The following BCAS3 variants were observed in gnomAD, a reference collection of about 807,000 sequenced individuals.
BCAS3 encodes BCAS3 microtubule associated cell migration factor.
Under a neutral mutation model 116.1 loss-of-function variants are expected in BCAS3, and 53 were observed. The ratio of observed to expected loss-of-function variants is 0.46; its 90% CI spans 0.37 to 0.57. BCAS3 has a LOEUF of 0.57. Ranked by LOEUF, BCAS3 falls within the 20% of genes least tolerant of loss-of-function variation. The pLI is 0.00. For synonymous variants in BCAS3, 391 were observed against 408.2 expected (o/e 0.96, Z 0.51); for missense variants, 917 against 1,165.4 (o/e 0.79, Z 3.10).
rs371649037 is a variant in BCAS3, at chr17:60,702,037, T to TAC, written c.215-7168_215-7167dup. Among the ~76,000 whole-genome samples the TAC allele has an allele frequency of 4.9e-3, 748 of 151,584 alleles. 14 individuals carry two copies. Among genetic ancestry groups the TAC allele is most frequent in the South Asian group, 0.031 (148 of 4,798 alleles). ...CTCTATGTATATATGTATGTATAGA[T>TAC]ACACACACACACACAAATCTATTAT... On this transcript the variant is annotated intron_variant, in intron 4 of 23. Coordinates refer to ENST00000407086, the MANE Select transcript of BCAS3 (RefSeq NM_017679.5).
In BCAS3 at chr17:61,037,524, C is replaced by T. The variant is rs2067130871; in HGVS notation, c.1763-365C>T. Among the ~76,000 whole-genome samples the T allele has an allele frequency of 6.6e-6, 1 of 152,162 alleles. No homozygotes were observed. Among genetic ancestry groups the T allele is most frequent in the Admixed American group, 6.5e-5 (1 of 15,288 alleles). The stretch of plus-strand genomic sequence containing the variant: ...TGGTGGCTCACGCCTTTAATCCCAG[C>T]ACTTTGAGAGGCTAAGGTGCACAGA... On this transcript the variant is annotated intron_variant, in intron 17 of 23. Transcript: ENST00000407086. The surrounding 1 kb of genome is among the most constrained non-coding windows in gnomAD (Gnocchi z 4.7).
chr17:61,332,065 C>T lies in BCAS3; in HGVS notation c.2426-36262C>T, dbSNP rs1279158061. Reference sequence around the variant, plus strand: ...GTCTGGTTTGGCATGTGGGTCTCGACCTCCCATGAGCAGGGCGAGGCTGCC... The same window carrying T: ...GTCTGGTTTGGCATGTGGGTCTCGATCTCCCATGAGCAGGGCGAGGCTGCC... On this transcript the variant is annotated intron_variant, in intron 22 of 23. Coordinates refer to ENST00000407086, the MANE Select transcript of BCAS3 (RefSeq NM_017679.5). The surrounding 1 kb of genome is among the most constrained non-coding windows in gnomAD (Gnocchi z 5.4). 1.3e-5 allele frequency among the ~76,000 whole-genome samples: 2 copies of T among 152,158 alleles called. No individual in the cohort carries two copies. The highest frequency in any genetic ancestry group is 2.9e-5 in the Non-Finnish European group (2 of 68,022).
chr17:61,045,110 A>T (rs2067924710), intron 19 of BCAS3, among the ~76,000 whole-genome samples: 1 of 152,054 alleles, frequency 6.6e-6, no homozygotes, highest in Non-Finnish European at 1.5e-5. Flanking sequence ...GAGCATTATT[A>T]TTATAAGCTT....
At chr17:60,754,347 G>A (rs1310847063) in intron 6 of BCAS3, among the ~76,000 whole-genome samples, 1 of 152,038 alleles carries the variant, frequency 6.6e-6, no homozygotes, top group Non-Finnish European at 1.5e-5. Context: ...TGAGACCACA[G>A]GCGTGTGCCA....
chr17:60,776,274 C>T (rs138543751), intron 6 of BCAS3, among the ~76,000 whole-genome samples: 2 of 152,278 alleles, frequency 1.3e-5, no homozygotes, highest in African/African-American at 2.4e-5. Flanking sequence ...ATCAGAATGA[C>T]TCCATATATA....
intron 19 of BCAS3, among the ~76,000 whole-genome samples, chr17:61,066,247 C>T (rs1445108102): frequency 6.6e-6 from 1 of 152,160 alleles, no homozygotes; most frequent in Non-Finnish European, 1.5e-5. Flanking sequence ...GAATTTATTA[C>T]TGGAAATTCA....
chr17:61,361,494 A>C lies in BCAS3; in HGVS notation c.2426-6833A>C, dbSNP rs767455737. On this transcript the variant is annotated intron_variant, in intron 22 of 23. Coordinates refer to ENST00000407086, the MANE Select transcript of BCAS3 (RefSeq NM_017679.5). The surrounding 1 kb of genome is among the most constrained non-coding windows in gnomAD (Gnocchi z 6.5). ...TAATATCTGATCTATATCTATATCT[A>C]TCTCACTGTGGGAGAACGCTGGCTC... is the stretch of plus-strand genomic sequence containing the variant. Among the ~76,000 whole-genome samples, 2 of 152,226 alleles carry C rather than the reference A, an allele frequency of 1.3e-5. No homozygotes were observed. The highest frequency in any genetic ancestry group is 3.4e-3 in the Middle Eastern group (1 of 292).
At chr17:61,080,618 G>A (rs1193469029) in intron 21 of BCAS3, among the ~76,000 whole-genome samples, 1 of 151,984 alleles carries the variant, frequency 6.6e-6, no homozygotes, top group African/African-American at 2.4e-5. Flanking sequence ...AAATTAGCCG[G>A]GCATGGTGGT....
Position 61,070,184 on chromosome 17 carries a change from A to G in BCAS3, c.2030-4736A>G, listed in dbSNP as rs776228811. On this transcript the variant is annotated intron_variant, in intron 19 of 23. Transcript: ENST00000407086. ...GTGTTCCTTGTGGATGTTAAAGCCA[A>G]CAAGCACCAGATTAAACAGGCTGTG... 27 of 1,567,098 alleles carry G rather than the reference A, an allele frequency of 1.7e-5. No individual in the cohort carries two copies. In the Admixed American group the frequency reaches 4.0e-4, roughly 23 times the overall value.
chr17:61,004,057 T>A lies in BCAS3; in HGVS notation c.1487-11694T>A, dbSNP rs887990498. 3.9e-5 allele frequency among the ~76,000 whole-genome samples: 6 copies of A among 152,018 alleles called. No individual in the cohort carries two copies. Among genetic ancestry groups the A allele is most frequent in the Non-Finnish European group, 7.4e-5 (5 of 68,000 alleles). On this transcript the variant is annotated intron_variant, in intron 15 of 23. Transcript: ENST00000407086. This position sits in a 1 kb window ranked among gnomAD's most constrained non-coding sequence, Gnocchi z 4.8. Reference sequence around the variant, plus strand: ...AACTTAGAAGTTAGTTTTCAAGGAGTTGAAGGAGTTAACATTATTTTTGTC... The same window carrying A: ...AACTTAGAAGTTAGTTTTCAAGGAGATGAAGGAGTTAACATTATTTTTGTC...
intron 14 of BCAS3, among the ~76,000 whole-genome samples, chr17:60,988,350 T>TC (rs202142519): frequency 0.047 from 6,812 of 144,344 alleles, 570 homozygotes; most frequent in African/African-American, 0.17. Flanking sequence ...TTTTTTTTTT[T>TC]TTTTTTTTTT....
At chr17:61,080,795 G>A (rs1328022249) in intron 21 of BCAS3, among the ~76,000 whole-genome samples, 6 of 152,046 alleles carry the variant, frequency 3.9e-5, no homozygotes, top group Non-Finnish European at 5.9e-5. Flanking sequence ...AAAAAAGAAC[G>A]ATTCATCAAG....
intron 22 of BCAS3, among the ~76,000 whole-genome samples, chr17:61,101,020 TTTCA>T (rs558670596): frequency 7.0e-4 from 106 of 152,264 alleles, no homozygotes; most frequent in African/African-American, 2.2e-3. Flanking sequence ...CCAACCTTGA[TTTCA>T]TTCATATAAT....
chr17:61,245,030 A>C (rs955364180), intron 22 of BCAS3, among the ~76,000 whole-genome samples: 1 of 152,224 alleles, frequency 6.6e-6, no homozygotes, highest in Non-Finnish European at 1.5e-5. Context: ...TGCTGTAAGG[A>C]CATAGCCGAG....
At position 61,161,053 on chromosome 17, in the gene BCAS3, A is replaced by G. The variant is rs2078141796; in HGVS notation, c.2425+76489A>G. The stretch of plus-strand genomic sequence containing the variant: ...ACTTTGGGACGACTACAAGAGATCT[A>G]TAGTTAAAATACTCTGCAGATGATG... On this transcript the variant is annotated intron_variant, in intron 22 of 23. Transcript: ENST00000407086. The surrounding 1 kb of genome is among the most constrained non-coding windows in gnomAD (Gnocchi z 4.8). Among the ~76,000 whole-genome samples the G allele has an allele frequency of 6.6e-6, 1 of 152,224 alleles. No homozygotes were observed. Among genetic ancestry groups the G allele is most frequent in the Non-Finnish European group, 1.5e-5 (1 of 68,038 alleles).
chr17:60,944,744 G>A (rs184886957), intron 13 of BCAS3, among the ~76,000 whole-genome samples: 64 of 152,150 alleles, frequency 4.2e-4, no homozygotes, highest in Admixed American at 1.3e-3. Flanking sequence ...GTTAGAATTC[G>A]CTATATTAAT....
rs183527608 is a variant in BCAS3, at chr17:61,046,487, T to C, written c.2029+5595T>C. Among the ~76,000 whole-genome samples the C allele has an allele frequency of 1.6e-3, 249 of 151,860 alleles. 1 individual carries two copies. The highest frequency in any genetic ancestry group is 5.2e-3 in the African/African-American group (215 of 41,480). On this transcript the variant is annotated intron_variant, in intron 19 of 23. Transcript: ENST00000407086. The stretch of plus-strand genomic sequence containing the variant: ...CAAGTCCCTGATGCTGGTACTATAT[T>C]TGCATATGACCCACGCACATCCCCC...
intron 7 of BCAS3, among the ~76,000 whole-genome samples, chr17:60,861,747 T>A (rs759660472): frequency 7.2e-5 from 11 of 152,210 alleles, no homozygotes; most frequent in Non-Finnish European, 1.3e-4. Flanking sequence ...GAGATGATCA[T>A]TTGTTTTTTT....
At chr17:60,983,821 C>T (rs2062962775) in intron 14 of BCAS3, among the ~76,000 whole-genome samples, 1 of 152,180 alleles carries the variant, frequency 6.6e-6, no homozygotes. Context: ...TTGACTCTGT[C>T]ATGTGAAAAT....
Sources: allele counts gnomAD v4.1 joint callset (sites outside exome capture counted in the v4.1 genomes callset), GRCh38; gene constraint gnomAD v4.1.1; non-coding constraint Gnocchi (gnomAD v3.1); transcripts MANE v1.5; gene names NCBI Gene and HGNC (gene_info 2026-07-23, HGNC 2026-07-21).